ANKRD37: variants seen among roughly 807,000 people sequenced by gnomAD.
ANKRD37 encodes ankyrin repeat domain-containing protein 37.
In ANKRD37, 17 loss-of-function variants were observed where a neutral mutation model predicts 19.7. The observed-to-expected ratio is 0.86, with a 90% CI of 0.59 to 1.29. ANKRD37 has a LOEUF of 1.29. ANKRD37 is among the 50% of genes most tolerant of loss of function. The pLI is 0.00. For missense variants in ANKRD37, 207 were observed against 190.4 expected (o/e 1.09, Z -0.51); for synonymous variants, 79 against 74.5 (o/e 1.06, Z -0.31).
In ANKRD37 at chr4:185,400,179, T is replaced by C; in HGVS notation, c.*162T>C. The C allele has an allele frequency of 1.4e-6, 1 of 737,654 alleles. No individual in the cohort carries two copies. Among genetic ancestry groups the C allele is most frequent in the Non-Finnish European group, 2.2e-6 (1 of 455,528 alleles). 45.7% of individuals were successfully genotyped at this position (737,654 alleles called of 1,614,324 possible). A position where few individuals can be genotyped will look rare whatever the true frequency, so the allele number is the denominator to read the frequency against. On this transcript the variant is annotated 3_prime_UTR_variant, in exon 5 of 5. Transcript: ENST00000335174. ...CCATTTAAGAACACATGTATTTACATGCCTATAATATGCTGGTTGTGTATG... is the reference window on the plus strand; with the variant it reads ...CCATTTAAGAACACATGTATTTACACGCCTATAATATGCTGGTTGTGTATG...
At chr4:185,397,573 A>C (rs527878652) in intron 2 of ANKRD37, 6 of 421,688 alleles carry the variant, frequency 1.4e-5, no homozygotes, top group African/African-American at 1.0e-4. Context: ...AAATGTTATC[A>C]GTTCAATATG....
Position 185,400,100 on chromosome 4 carries a change from G to A in ANKRD37, c.*83G>A. 2.3e-6 allele frequency: 3 copies of A among 1,303,206 alleles called. No homozygotes were observed. Among genetic ancestry groups the A allele is most frequent in the South Asian group, 1.3e-5 (1 of 77,186 alleles). The allele number at this position is 1,303,206 out of a possible 1,614,324, so 80.7% of individuals were successfully genotyped here. A position where few individuals can be genotyped will look rare whatever the true frequency, so the allele number is the denominator to read the frequency against. On this transcript the variant is annotated 3_prime_UTR_variant, in exon 5 of 5. Coordinates refer to ENST00000335174, the MANE Select transcript of ANKRD37 (RefSeq NM_181726.4). ...GCTCCTGCTTTTGGCTTTACCATAT[G>A]TTGTGTCTAATCTCCTTCTGAGAAG...
At chr4:185,398,211 G>A (rs2095508042) in intron 2 of ANKRD37, among the ~76,000 whole-genome samples, 1 of 152,192 alleles carries the variant, frequency 6.6e-6, no homozygotes, top group African/African-American at 2.4e-5. Context: ...GCCTGCCTCA[G>A]CCTTCCAAAG....
chr4:185,396,937 A>C lies in ANKRD37; in HGVS notation c.14A>C (p.Asp5Ala), dbSNP rs1428178755. The change falls in exon 1 of 5, where the codon GAT becomes GCT. Residue 5 changes from aspartate to alanine, a missense_variant. By Grantham distance (126) the Asp-to-Ala change is moderately radical (BLOSUM62 -2). Coordinates refer to ENST00000335174, the MANE Select transcript of ANKRD37 (RefSeq NM_181726.4). ...CTTAGGCGGGAAATGCTGTTGCTGG[A>C]TTGCAACCCCGAGGTGAGATTCGGG... MLLL[D>A]CNPEVDGLKH... is the part of the protein sequence containing the mutation. The C allele has an allele frequency of 1.9e-6, 3 of 1,613,520 alleles. No homozygotes were observed. Among genetic ancestry groups the C allele is most frequent in the Non-Finnish European group, 2.5e-6 (3 of 1,180,022 alleles).
chr4:185,397,361 A>G, intron 2 of ANKRD37, 59 bp downstream of exon 2: 2 of 1,574,764 alleles, frequency 1.3e-6, no homozygotes, highest in East Asian at 2.3e-5. Context: ...ACACACAAAC[A>G]TTTCTCAGAC....
chr4:185,400,341 A>T, downstream of ANKRD37: 3 of 1,380,392 alleles, frequency 2.2e-6, no homozygotes, highest in South Asian at 2.5e-5. Flanking sequence ...CTGATTCTTT[A>T]TTCACAAATT....
downstream of ANKRD37, chr4:185,400,666 CT>C (rs2095512209): frequency 2.4e-6 from 1 of 422,684 alleles, no homozygotes. Context: ...GGTTTTTGAA[CT>C]TTTAATTCTA....
At position 185,396,858 on chromosome 4, in the gene ANKRD37, G is replaced by A. The variant is rs375186975; in HGVS notation, c.-66G>A. The stretch of plus-strand genomic sequence containing the variant: ...GCCAGCCTGCGCATTCTTACCTGTC[G>A]GGGTGCGGCGAGTGTCTCACCTCTC... On this transcript the variant is annotated 5_prime_UTR_variant, in exon 1 of 5. Coordinates refer to ENST00000335174, the MANE Select transcript of ANKRD37 (RefSeq NM_181726.4). 180 of 1,544,352 alleles carry A rather than the reference G, an allele frequency of 1.2e-4. 1 individual carries two copies. The African/African-American group carries it at 1.9e-3, about 16-fold the overall frequency.
In ANKRD37 at chr4:185,399,726, A is replaced by G. The variant is rs4631093; in HGVS notation, c.429A>G (p.Lys143=). The G allele has an allele frequency of 0.048, 76,722 of 1,614,028 alleles. 2,699 individuals carry two copies. Among genetic ancestry groups the G allele is most frequent in the African/African-American group, 0.15 (10,995 of 75,002 alleles). ...RNDCVAVLRQ[K]RSLGSVENTS... ...ATTGTGTTGCCGTGCTCAGACAGAAACGGAGTCTCGGAAGTGTAGAAAATA... is the reference window on the plus strand; with the variant it reads ...ATTGTGTTGCCGTGCTCAGACAGAAGCGGAGTCTCGGAAGTGTAGAAAATA... Residue 143 remains lysine, a synonymous_variant, in exon 4 of 5, where the codon AAA becomes AAG. Transcript: ENST00000335174.
In ANKRD37 at chr4:185,397,115, G is replaced by T. The variant is rs772747190; in HGVS notation, c.28-35G>T. ...CGGAGGGGCGCGGGACTGGACAAAG[G>T]TGGGAAGGGTGCTGGATCTGTTCTC... On this transcript the variant is annotated intron_variant, in intron 1 of 4. Transcript: ENST00000335174. 7 of 1,611,858 alleles carry T rather than the reference G, an allele frequency of 4.3e-6. No individual in the cohort carries two copies. In the South Asian group the frequency reaches 6.6e-5, roughly 15 times the overall value.
chr4:185,399,889 A>G, intron 4 of ANKRD37, 116 bp downstream of exon 4: 4 of 1,542,126 alleles, frequency 2.6e-6, no homozygotes, highest in Non-Finnish European at 2.6e-6. Context: ...TTTCATTCTC[A>G]TTAACATTTT....
At chr4:185,398,322 GC>G (rs1387097312) in intron 2 of ANKRD37, among the ~76,000 whole-genome samples, 2 of 152,096 alleles carry the variant, frequency 1.3e-5, no homozygotes, top group African/African-American at 4.8e-5. Context: ...AAAATAAAAA[GC>G]TTTTGCAGCT....
intron 2 of ANKRD37, 74 bp downstream of exon 2, chr4:185,397,376 A>G (rs554837437): frequency 1.9e-6 from 3 of 1,551,670 alleles, no homozygotes; most frequent in African/African-American, 2.7e-5. Context: ...TCAGACGCCA[A>G]GAGTTGTTTC....
intron 2 of ANKRD37, 91 bp from the exon 3 acceptor site, chr4:185,398,846 G>C (rs1580039962): frequency 4.3e-6 from 4 of 939,144 alleles, no homozygotes; most frequent in Non-Finnish European, 6.6e-6. Flanking sequence ...GTTCTAACTA[G>C]CTTCCTTAAA....
chr4:185,398,861 TA>T, intron 2 of ANKRD37, 75 bp from the exon 3 acceptor site: 2 of 1,056,396 alleles, frequency 1.9e-6, no homozygotes, highest in South Asian at 1.3e-5. Flanking sequence ...CTTAAATAGC[TA>T]ATATTAAATG....
chr4:185,399,499 C>T, intron 3 of ANKRD37, 71 bp from the exon 4 acceptor site: 5 of 1,489,332 alleles, frequency 3.4e-6, no homozygotes, highest in Middle Eastern at 1.7e-4. Context: ...GCCCAAAATT[C>T]CCTTGTAAGA....
Position 185,397,222 on chromosome 4 carries a change from C to G in ANKRD37, c.100C>G (p.Pro34Ala), listed in dbSNP as rs769368881. 10 of 1,614,150 alleles carry G rather than the reference C, an allele frequency of 6.2e-6. No individual in the cohort carries two copies. The highest frequency in any genetic ancestry group is 8.5e-6 in the Non-Finnish European group (10 of 1,180,034). ...ACCCCCGGATCCCTGCAAGCAGTCG[C>G]CTGTCCACTTAGCCGCAGGAAGCGG... is the stretch of plus-strand genomic sequence containing the variant. Reference protein sequence around the residue: ...NAPPDPCKQSPVHLAAGSGLA... With the variant: ...NAPPDPCKQSAVHLAAGSGLA... Residue 34 changes from proline to alanine, a missense_variant, in exon 2 of 5, where the codon CCT (proline) becomes GCT (alanine). Transcript: ENST00000335174.
intron 2 of ANKRD37, chr4:185,397,773 A>C (rs1206787069): frequency 6.8e-6 from 1 of 146,804 alleles, no homozygotes; most frequent in African/African-American, 2.5e-5. Flanking sequence ...CATTACCAAA[A>C]GTCTCCCTGC....
Position 185,397,197 on chromosome 4 carries a change from A to G in ANKRD37, c.75A>G (p.Ala25=), listed in dbSNP as rs745995558. Residue 25 remains alanine, a synonymous_variant, in exon 2 of 5, where the codon GCA becomes GCG. Coordinates refer to ENST00000335174, the MANE Select transcript of ANKRD37 (RefSeq NM_181726.4). ...HLLETGASVN[A]PPDPCKQSPV... ...TGGAGACAGGGGCCTCGGTCAACGC[A>G]CCCCCGGATCCCTGCAAGCAGTCGC... 2 of 1,613,820 alleles carry G rather than the reference A, an allele frequency of 1.2e-6. No individual in the cohort carries two copies. The highest frequency in any genetic ancestry group is 2.2e-5 in the South Asian group (2 of 91,072).
Sources: gnomAD v4.1 joint callset for allele counts (sites outside exome capture counted in the v4.1 genomes callset) on GRCh38, gnomAD v4.1.1 for gene constraint, MANE v1.5 for transcripts, NCBI Gene and HGNC (gene_info 2026-07-23, HGNC 2026-07-21) for gene names.